Variants in ACSL6 observed in about 807,000 individuals in gnomAD.
ACSL6 encodes the protein acyl-CoA synthetase long chain family member 6.
ACSL6 carries 47 observed loss-of-function variants against 98.2 expected under a neutral mutation model. That is an observed-to-expected ratio of 0.48 (90% CI 0.38 to 0.61). ACSL6 has a LOEUF of 0.61. Ranked by LOEUF, ACSL6 falls within the 20% of genes least tolerant of loss-of-function variation. The pLI, the probability that ACSL6 is intolerant of heterozygous loss-of-function variation, is 0.00. For synonymous variants in ACSL6, 362 were observed against 336.9 expected (o/e 1.07, Z -0.82); for missense variants, 761 against 913.4 (o/e 0.83, Z 2.15).
chr5:131,980,572 G>T (rs1189639422), intron 9 of ACSL6, among the ~76,000 whole-genome samples: 1 of 152,178 alleles, frequency 6.6e-6, no homozygotes, highest in East Asian at 1.9e-4. Context: ...GACTGTATAT[G>T]CCTGGGCTTT....
At chr5:132,000,405 T>C (rs143694459) in intron 1 of ACSL6, among the ~76,000 whole-genome samples, 226 of 151,636 alleles carry the variant, frequency 1.5e-3, no homozygotes, top group Non-Finnish European at 2.6e-3. Context: ...CCCTTGCCTA[T>C]TAGGACCGAA....
At chr5:131,993,433 T>G (rs1754630036) in intron 2 of ACSL6, 1 of 158,998 alleles carries the variant, frequency 6.3e-6, no homozygotes, top group Admixed American at 5.8e-5. Context: ...TTCTGGACTA[T>G]GTGGATACAT....
At chr5:132,008,559 C>T (rs1755541919) in intron 1 of ACSL6, among the ~76,000 whole-genome samples, 1 of 152,226 alleles carries the variant, frequency 6.6e-6, no homozygotes, top group African/African-American at 2.4e-5. Context: ...CTGGACTCCA[C>T]TCTCTTCCTC....
At chr5:131,984,024 A>G (rs1754036007) in intron 9 of ACSL6, 1 of 152,284 alleles carries the variant, frequency 6.6e-6, no homozygotes, top group African/African-American at 2.4e-5. Flanking sequence ...CATGTCACCA[A>G]AAATTCACAT....
Position 131,954,072 on chromosome 5 carries a change from A to T in ACSL6, c.*162T>A. ...TAAAAATAAAATATACTCATTGATGATAGAGAAAATATTGTTAAAGACCTC... is the reference window on the plus strand; with the variant it reads ...TAAAAATAAAATATACTCATTGATGTTAGAGAAAATATTGTTAAAGACCTC... On this transcript the variant is annotated 3_prime_UTR_variant, in exon 21 of 21. Coordinates refer to ENST00000651883, the MANE Select transcript of ACSL6 (RefSeq NM_001009185.3). 3.8e-6 allele frequency: 2 copies of T among 533,028 alleles called. No homozygotes were observed. The highest frequency in any genetic ancestry group is 3.0e-6 in the Non-Finnish European group (1 of 337,288). 33.0% of individuals were successfully genotyped at this position (533,028 alleles called of 1,614,324 possible).
At chr5:131,988,929 T>G (rs892230547) in intron 5 of ACSL6, 25 bp from the exon 6 acceptor site, 131 of 1,532,174 alleles carry the variant, frequency 8.5e-5, no homozygotes, top group African/African-American at 9.9e-5. Context: ...GAGGCGGGGG[T>G]GGGGAAGAAG....
intron 9 of ACSL6, chr5:131,984,310 A>C (rs1276506862): frequency 6.6e-6 from 1 of 152,272 alleles, no homozygotes; most frequent in Non-Finnish European, 1.5e-5. Flanking sequence ...AGGTCTGTCA[A>C]ATGCCTTAGA....
intron 2 of ACSL6, 97 bp downstream of exon 2, chr5:131,993,934 T>G: frequency 7.7e-7 from 1 of 1,291,972 alleles, no homozygotes; most frequent in Non-Finnish European, 1.1e-6. Flanking sequence ...CTCTGGGCCA[T>G]GTGAGGTCAA....
At chr5:132,005,586 C>G (rs1381254082) in intron 1 of ACSL6, among the ~76,000 whole-genome samples, 1 of 152,258 alleles carries the variant, frequency 6.6e-6, no homozygotes, top group African/African-American at 2.4e-5. Context: ...ACCTCACTGT[C>G]TCTCCCAGTG....
intron 11 of ACSL6, chr5:131,974,663 G>A (rs868299200): frequency 2.8e-6 from 4 of 1,407,370 alleles, no homozygotes; most frequent in Admixed American, 2.0e-5. Flanking sequence ...GGACAGGGCA[G>A]TTTGGTCCTA....
At chr5:132,000,077 G>A (rs1057458927) in intron 1 of ACSL6, among the ~76,000 whole-genome samples, 5 of 152,004 alleles carry the variant, frequency 3.3e-5, no homozygotes, top group African/African-American at 4.8e-5. Context: ...CACTGAGGGC[G>A]ACTGTACCAT....
intron 8 of ACSL6, 150 bp from the exon 9 acceptor site, chr5:131,985,608 T>C: frequency 1.3e-6 from 1 of 781,782 alleles, no homozygotes; most frequent in Non-Finnish European, 2.1e-6. Context: ...TCCTGTGTGC[T>C]GCGCTCAGAA....
intron 8 of ACSL6, 45 bp downstream of exon 8, chr5:131,986,777 G>A (rs759517710): frequency 2.1e-5 from 34 of 1,611,646 alleles, no homozygotes; most frequent in Non-Finnish European, 2.9e-5. Context: ...GACAGGCCCT[G>A]CACGCCATCT....
At chr5:131,961,273 C>T (rs896714465) in intron 18 of ACSL6, among the ~76,000 whole-genome samples, 29 of 152,168 alleles carry the variant, frequency 1.9e-4, no homozygotes, top group African/African-American at 7.0e-4. Flanking sequence ...GATCCTCCTG[C>T]CTCGGTCTCC....
At chr5:131,992,430 C>A (rs1187249477) in intron 2 of ACSL6, among the ~76,000 whole-genome samples, 1 of 152,172 alleles carries the variant, frequency 6.6e-6, no homozygotes, top group Non-Finnish European at 1.5e-5. Flanking sequence ...CATTTCCTAC[C>A]ACTGTCTCCT....
At chr5:131,975,704 C>A in intron 10 of ACSL6, 1 of 985,422 alleles carries the variant, frequency 1.0e-6, no homozygotes, top group South Asian at 4.7e-5. Flanking sequence ...ATGGGACTGA[C>A]CCTAGGGACA....
Position 131,991,729 on chromosome 5 carries a change from A to G in ACSL6, c.271-762T>C, listed in dbSNP as rs549066040. 2.0e-5 allele frequency among the ~76,000 whole-genome samples: 3 copies of G among 152,232 alleles called. No homozygotes were observed. In the East Asian group the frequency reaches 5.8e-4, roughly 29 times the overall value. On this transcript the variant is annotated intron_variant, in intron 2 of 20. Transcript: ENST00000651883. ...CAGGGTGCCCAAACCCAAACTCTCC[A>G]GTATCACAGCTCCACCTCTTCTTCA...
In ACSL6 at chr5:132,011,641, C is replaced by T. The variant is rs891387062; in HGVS notation, c.-88G>A. 2.4e-6 allele frequency: 3 copies of T among 1,262,668 alleles called. No individual in the cohort carries two copies. In the East Asian group the frequency reaches 9.7e-5, roughly 41 times the overall value. 78.2% of individuals were successfully genotyped at this position (1,262,668 alleles called of 1,614,324 possible). A position where few individuals can be genotyped will look rare whatever the true frequency, so the allele number is the denominator to read the frequency against. ...GCAGCCCAGCAGCCCCAGCAGTAGCCGCGCCGCCGCCGCCGCTGCCGGGTA... is the reference window on the plus strand; with the variant it reads ...GCAGCCCAGCAGCCCCAGCAGTAGCTGCGCCGCCGCCGCCGCTGCCGGGTA... On this transcript the variant is annotated 5_prime_UTR_variant, in exon 1 of 21. Transcript: ENST00000651883. The surrounding 1 kb of genome is among the most constrained non-coding windows in gnomAD (Gnocchi z 5.4).
chr5:132,005,981 G>C (rs1755387342), intron 1 of ACSL6, among the ~76,000 whole-genome samples: 1 of 152,148 alleles, frequency 6.6e-6, no homozygotes, highest in South Asian at 2.1e-4. Context: ...TATACCAGGG[G>C]CTGAGCACTA....
Sources: gnomAD v4.1 joint callset for allele counts (sites outside exome capture counted in the v4.1 genomes callset) on GRCh38, gnomAD v4.1.1 for gene constraint, Gnocchi (gnomAD v3.1) non-coding constraint, MANE v1.5 for transcripts, NCBI Gene and HGNC (gene_info 2026-07-23, HGNC 2026-07-21) for gene names.